The following GRIK4 variants were observed in gnomAD, a reference collection of about 807,000 sequenced individuals.
The protein encoded by GRIK4 is glutamate receptor ionotropic, kainate 4.
GRIK4 carries 40 observed loss-of-function variants against 104.9 expected under a neutral mutation model. The ratio of observed to expected loss-of-function variants is 0.38; its 90% CI spans 0.30 to 0.50. The LOEUF (loss-of-function observed/expected upper bound fraction) is 0.50, where lower values mean the gene tolerates loss of function less well. GRIK4 is among the 20% of genes least tolerant of loss of function. GRIK4 has a pLI of 0.93. For missense variants in GRIK4, 1,047 were observed against 1,308.1 expected (o/e 0.80, Z 3.08); for synonymous variants, 485 against 524.9 (o/e 0.92, Z 1.04).
chr11:120,840,509 T>G (rs900735790), intron 8 of GRIK4, among the ~76,000 whole-genome samples: 1 of 152,068 alleles, frequency 6.6e-6, no homozygotes, highest in African/African-American at 2.4e-5. Flanking sequence ...GGTCAGCTTA[T>G]GAGGTCCAAA....
At chr11:120,666,583 G>C (rs1010460305) in intron 3 of GRIK4, among the ~76,000 whole-genome samples, 1 of 152,238 alleles carries the variant, frequency 6.6e-6, no homozygotes, top group African/African-American at 2.4e-5. Flanking sequence ...TGGTAGAAGT[G>C]TCAGACATGA....
At chr11:120,646,907 C>A (rs1229146914) in intron 1 of GRIK4, among the ~76,000 whole-genome samples, 1 of 152,192 alleles carries the variant, frequency 6.6e-6, no homozygotes, top group East Asian at 1.9e-4. Flanking sequence ...GTGAAGTAGG[C>A]AGGGCAGGTA....
chr11:120,682,364 G>A (rs932636018), intron 3 of GRIK4, among the ~76,000 whole-genome samples: 5 of 152,184 alleles, frequency 3.3e-5, no homozygotes, highest in Non-Finnish European at 1.5e-5. Flanking sequence ...GTGGGTCTGG[G>A]TCCCCAGGAG....
intron 1 of GRIK4, among the ~76,000 whole-genome samples, chr11:120,623,118 T>C (rs921150460): frequency 1.3e-5 from 2 of 152,164 alleles, no homozygotes; most frequent in Non-Finnish European, 2.9e-5. Context: ...TGGGAACCCC[T>C]TGGAGCCAGC....
intron 1 of GRIK4, among the ~76,000 whole-genome samples, chr11:120,581,755 T>G (rs889969359): frequency 6.6e-6 from 1 of 152,206 alleles, no homozygotes; most frequent in Admixed American, 6.6e-5. Context: ...CCTTTTTTTT[T>G]TCTGAATAGT....
At chr11:120,517,894 A>G (rs2085922754) in intron 1 of GRIK4, among the ~76,000 whole-genome samples, 1 of 152,168 alleles carries the variant, frequency 6.6e-6, no homozygotes, top group Admixed American at 6.5e-5. Context: ...ATTTAATAGA[A>G]TGAGAAATCA....
At chr11:120,742,472 A>G (rs1332429898) in intron 3 of GRIK4, among the ~76,000 whole-genome samples, 2 of 151,618 alleles carry the variant, frequency 1.3e-5, no homozygotes, top group Non-Finnish European at 2.9e-5. Context: ...AATCAAAACC[A>G]CGAGATACCA....
intron 1 of GRIK4, among the ~76,000 whole-genome samples, chr11:120,637,790 C>A (rs973599026): frequency 7.2e-5 from 11 of 152,006 alleles, no homozygotes; most frequent in Non-Finnish European, 1.3e-4. Context: ...TCTCCTGGGC[C>A]CCTTTGCCTA....
intron 1 of GRIK4, among the ~76,000 whole-genome samples, chr11:120,648,918 C>T (rs1030314033): frequency 4.6e-5 from 7 of 152,166 alleles, no homozygotes; most frequent in Admixed American, 6.5e-5. Flanking sequence ...CTTCCTTCTC[C>T]GACTGGAGTC....
chr11:120,728,979 AT>A (rs1451783292), intron 3 of GRIK4, among the ~76,000 whole-genome samples: 1 of 152,042 alleles, frequency 6.6e-6, no homozygotes, highest in East Asian at 1.9e-4. Flanking sequence ...AATTGTTTTG[AT>A]TTTTAGATCC....
Position 120,810,683 on chromosome 11 carries a change from A to G in GRIK4, c.248-4695A>G, listed in dbSNP as rs1329137313. On this transcript the variant is annotated intron_variant, in intron 4 of 20. Transcript: ENST00000527524. ...ATCCAATAAAATGGATAGGGTGACT[A>G]TGGAAACCAGCTATATGGAAATGCA... 4.6e-5 allele frequency among the ~76,000 whole-genome samples: 7 copies of G among 152,336 alleles called. No homozygotes were observed. In the East Asian group the frequency reaches 1.3e-3, roughly 29 times the overall value.
At chr11:120,946,292 T>A (rs1202329610) in intron 14 of GRIK4, among the ~76,000 whole-genome samples, 1 of 152,210 alleles carries the variant, frequency 6.6e-6, no homozygotes, top group African/African-American at 2.4e-5. Flanking sequence ...CAAGGCATCA[T>A]CAGACTGCGC....
At position 120,815,661 on chromosome 11, in the gene GRIK4, G is replaced by A. The variant is rs12574920; in HGVS notation, c.345+186G>A. Among the ~76,000 whole-genome samples the A allele has an allele frequency of 3.3e-4, 51 of 152,322 alleles. No homozygotes were observed. The East Asian group carries it at 8.1e-3, about 24-fold the overall frequency. On this transcript the variant is annotated intron_variant, in intron 5 of 20. Coordinates refer to ENST00000527524, the MANE Select transcript of GRIK4 (RefSeq NM_014619.5). ...CTGCTCCAGGATGTTTGCATGGAGG[G>A]GTCTCGGAGGAGGTGTTTGACAGCA...
rs534336742 is a variant in GRIK4, at chr11:120,528,680, G to A, written c.-159+16793G>A. Among the ~76,000 whole-genome samples the A allele has an allele frequency of 3.0e-3, 459 of 152,332 alleles. 24 individuals carry two copies. The South Asian group carries it at 0.093, about 31-fold the overall frequency. ...CATGGCGGAAGGCAAAGAGGAGCAA[G>A]TCACATCTTACATGAATGGCAGCAG... On this transcript the variant is annotated intron_variant, in intron 1 of 20. Transcript: ENST00000527524.
intron 3 of GRIK4, among the ~76,000 whole-genome samples, chr11:120,719,991 AT>A (rs370119802): frequency 6.6e-6 from 1 of 150,780 alleles, no homozygotes; most frequent in African/African-American, 2.4e-5. Context: ...GATAAGGTAG[AT>A]TAAAAAAAAA....
At chr11:120,646,112 C>A (rs931214632) in intron 1 of GRIK4, among the ~76,000 whole-genome samples, 2 of 152,182 alleles carry the variant, frequency 1.3e-5, no homozygotes, top group Non-Finnish European at 2.9e-5. Context: ...TCAAAATCAT[C>A]CACACTAATG....
At chr11:120,920,749 T>G (rs1423912141) in intron 13 of GRIK4, among the ~76,000 whole-genome samples, 1 of 152,226 alleles carries the variant, frequency 6.6e-6, no homozygotes, top group African/African-American at 2.4e-5. Context: ...AGCCAGGGTC[T>G]GTCCCAGAAC....
intron 3 of GRIK4, among the ~76,000 whole-genome samples, chr11:120,735,927 G>A (rs1951213812): frequency 6.6e-6 from 1 of 152,126 alleles, no homozygotes; most frequent in Admixed American, 6.5e-5. Flanking sequence ...CAATCCTAGG[G>A]CCAGTTAGCT....
chr11:120,580,001 C>A (rs185580991), intron 1 of GRIK4, among the ~76,000 whole-genome samples: 1 of 152,202 alleles, frequency 6.6e-6, no homozygotes, highest in Non-Finnish European at 1.5e-5. Context: ...CTGGCTTCTT[C>A]CACTTGGCAT....
Sources: gnomAD v4.1 joint callset for allele counts (sites outside exome capture counted in the v4.1 genomes callset) on GRCh38, gnomAD v4.1.1 for gene constraint, MANE v1.5 for transcripts, NCBI Gene and HGNC (gene_info 2026-07-23, HGNC 2026-07-21) for gene names.